The following WWOX variants were observed in gnomAD, a reference collection of about 807,000 sequenced individuals.
WWOX encodes the protein WW domain-containing oxidoreductase.
In WWOX, 69 loss-of-function variants were observed where a neutral mutation model predicts 46.2. The observed-to-expected ratio is 1.49, with a 90% confidence interval of 1.23 to 1.82. The LOEUF is 1.82. Ranked by LOEUF, WWOX falls within the 40% of genes most tolerant of loss-of-function variation. The pLI is 0.00. For synonymous variants in WWOX, 359 were observed against 202.6 expected, an observed-to-expected ratio of 1.77 and a Z score of -6.56; for missense variants, 919 against 542.6, an observed-to-expected ratio of 1.69 and a Z score of -6.89.
At chr16:78,546,482 C>T (rs769660145) in intron 8 of WWOX, among the ~76,000 whole-genome samples, 11 of 152,218 alleles carry the variant, frequency 7.2e-5, no homozygotes, top group Non-Finnish European at 5.9e-5. Flanking sequence ...TTGTTAATTA[C>T]ATCTCATATT....
chr16:78,352,549 T>C (rs2081206676), intron 5 of WWOX, among the ~76,000 whole-genome samples: 1 of 152,198 alleles, frequency 6.6e-6, no homozygotes, highest in Admixed American at 6.5e-5. Context: ...CCTGGTTCTC[T>C]CTCTTCTGCT....
intron 8 of WWOX, among the ~76,000 whole-genome samples, chr16:78,881,538 G>A (rs1209967867): frequency 6.6e-6 from 1 of 152,164 alleles, no homozygotes; most frequent in South Asian, 2.1e-4. Flanking sequence ...CAGGATCCTT[G>A]CTGGAATAGT....
intron 8 of WWOX, among the ~76,000 whole-genome samples, chr16:78,727,577 G>A (rs534055587): frequency 6.6e-6 from 1 of 152,264 alleles, no homozygotes; most frequent in South Asian, 2.1e-4. Context: ...AGTCCGTGGG[G>A]GCCCTGGTGC....
At chr16:78,923,425 G>A (rs968593325) in intron 8 of WWOX, among the ~76,000 whole-genome samples, 4 of 152,066 alleles carry the variant, frequency 2.6e-5, no homozygotes, top group Non-Finnish European at 4.4e-5. Flanking sequence ...CCCAGGTCCA[G>A]CCTGCTATTT....
chr16:78,794,203 A>C (rs768769137), intron 8 of WWOX, among the ~76,000 whole-genome samples: 4 of 152,198 alleles, frequency 2.6e-5, no homozygotes, highest in Non-Finnish European at 5.9e-5. Context: ...AGAAAACAGC[A>C]AGAAGAATAT....
At chr16:78,795,608 C>A (rs761214488) in intron 8 of WWOX, among the ~76,000 whole-genome samples, 3 of 152,172 alleles carry the variant, frequency 2.0e-5, no homozygotes, top group African/African-American at 4.8e-5. Context: ...TGGAGCACCA[C>A]GCCTCACTAA....
At chr16:79,079,008 T>C (rs962957782) in intron 8 of WWOX, among the ~76,000 whole-genome samples, 29 of 152,218 alleles carry the variant, frequency 1.9e-4, no homozygotes, top group Admixed American at 9.2e-4. Flanking sequence ...TGCTAAAATA[T>C]AATACATTTG....
chr16:78,151,404 G>C (rs954073393), intron 4 of WWOX, among the ~76,000 whole-genome samples: 7 of 152,024 alleles, frequency 4.6e-5, no homozygotes, highest in African/African-American at 1.7e-4. Flanking sequence ...GGGATCAGTG[G>C]TTTTTCTCTT....
intron 8 of WWOX, among the ~76,000 whole-genome samples, chr16:78,725,137 T>C (rs2048794351): frequency 1.3e-5 from 2 of 152,060 alleles, no homozygotes; most frequent in Non-Finnish European, 2.9e-5. Context: ...TCATGAGATC[T>C]GATGGTTTTA....
At chr16:79,039,388 C>CT (rs2047928795) in intron 8 of WWOX, among the ~76,000 whole-genome samples, 1 of 152,134 alleles carries the variant, frequency 6.6e-6, no homozygotes. Flanking sequence ...AAACGACCCC[C>CT]TTCCCCCATA....
rs545144808 is a variant in WWOX at position 78,447,905 on chromosome 16, T to C, written c.1056+15153T>C. On this transcript the variant is annotated intron_variant, in intron 8 of 8. Transcript: ENST00000566780. ...TACAACGTCCACCTCCTGGGTTTAA[T>C]CGATCCTCCTGCCTCAGCCTCCCAA... 2.0e-5 allele frequency among the ~76,000 whole-genome samples: 3 copies of C among 152,230 alleles called. No individual in the cohort carries two copies. The South Asian group carries it at 6.2e-4, about 32-fold the overall frequency.
intron 8 of WWOX, among the ~76,000 whole-genome samples, chr16:78,971,241 A>G (rs930503661): frequency 1.2e-4 from 18 of 151,786 alleles, no homozygotes; most frequent in Non-Finnish European, 1.6e-4. Context: ...CGGGAAGATC[A>G]CTTGTTGAGG....
intron 8 of WWOX, among the ~76,000 whole-genome samples, chr16:78,801,057 C>CTT (rs879409458): frequency 4.1e-5 from 6 of 145,816 alleles, no homozygotes; most frequent in African/African-American, 1.0e-4. Flanking sequence ...CTCTCTACCT[C>CTT]TTTTTTTTTT....
chr16:78,947,630 C>T (rs1023052424), intron 8 of WWOX, among the ~76,000 whole-genome samples: 8 of 152,168 alleles, frequency 5.3e-5, no homozygotes, highest in East Asian at 1.9e-4. Flanking sequence ...GGTCAGATAA[C>T]CCCCGATCGT....
intron 8 of WWOX, among the ~76,000 whole-genome samples, chr16:79,049,463 G>A (rs758951716): frequency 3.3e-5 from 5 of 152,162 alleles, no homozygotes; most frequent in Non-Finnish European, 5.9e-5. Context: ...TCACCCATTT[G>A]CAGCACAGCT....
chr16:79,027,964 G>A (rs929448919), intron 8 of WWOX, among the ~76,000 whole-genome samples: 1 of 151,692 alleles, frequency 6.6e-6, no homozygotes, highest in Non-Finnish European at 1.5e-5. Context: ...TTGTTTGTTT[G>A]TTTTTGAGAC....
intron 8 of WWOX, among the ~76,000 whole-genome samples, chr16:78,443,694 C>G (rs74030257): frequency 0.086 from 13,115 of 152,214 alleles, 715 homozygotes; most frequent in East Asian, 0.2. Context: ...TGCAATTCCC[C>G]TAGTTTTATC....
intron 8 of WWOX, among the ~76,000 whole-genome samples, chr16:78,458,467 C>T (rs1481609212): frequency 6.6e-6 from 1 of 151,872 alleles, no homozygotes; most frequent in Non-Finnish European, 1.5e-5. Flanking sequence ...CCCTATGTTG[C>T]CCAGGCTGGT....
intron 8 of WWOX, among the ~76,000 whole-genome samples, chr16:79,126,102 T>G (rs2049748510): frequency 6.6e-6 from 1 of 152,010 alleles, no homozygotes; most frequent in South Asian, 2.1e-4. Flanking sequence ...TGCCCTGGAG[T>G]TTCACAGAAG....
Sources: gnomAD v4.1 joint callset for allele counts (sites outside exome capture counted in the v4.1 genomes callset) on GRCh38, gnomAD v4.1.1 for gene constraint, MANE v1.5 for transcripts, NCBI Gene and HGNC (gene_info 2026-07-23, HGNC 2026-07-21) for gene names.